KDM2B: variants seen among roughly 807,000 people sequenced by gnomAD.
KDM2B encodes the protein lysine-specific demethylase 2B.
In KDM2B, 26 loss-of-function variants were observed where a neutral mutation model predicts 150.0. The observed-to-expected ratio is 0.17, with a 90% confidence interval of 0.13 to 0.24. KDM2B has a LOEUF of 0.24. KDM2B is among the 10% of genes least tolerant of loss of function. The pLI is 1.00. For missense variants in KDM2B, 1,265 were observed against 1,816.9 expected, an observed-to-expected ratio of 0.70 and a Z score of 5.52; for synonymous variants, 734 against 729.5, an observed-to-expected ratio of 1.01 and a Z score of -0.10.
chr12:121,569,440 G>A (rs1555315566), intron 4 of KDM2B, among the ~76,000 whole-genome samples: 1 of 152,314 alleles, frequency 6.6e-6, no homozygotes, highest in South Asian at 2.1e-4. Flanking sequence ...GAAAGAGGGA[G>A]TCGAAGTGGG....
rs532773436 is a variant in KDM2B at position 121,484,962 on chromosome 12, T to C, written c.1734+9617A>G. On this transcript the variant is annotated intron_variant, in intron 12 of 22. Transcript: ENST00000377071. ...ATCCGAGCCCCTAGCACCCATATGA[T>C]TGTTGTCCTTATAAAATGAGGAAAT... 3.3e-5 allele frequency among the ~76,000 whole-genome samples: 5 copies of C among 152,206 alleles called. No individual in the cohort carries two copies. The South Asian group carries it at 1.0e-3, about 32-fold the overall frequency.
chr12:121,545,296 G>A (rs930091800), intron 6 of KDM2B, among the ~76,000 whole-genome samples: 3 of 152,022 alleles, frequency 2.0e-5, no homozygotes, highest in Admixed American at 6.6e-5. Context: ...GACCACTGAC[G>A]GGGTCCGTAG....
Position 121,513,681 on chromosome 12 carries a change from A to T in KDM2B, c.1048-279T>A, listed in dbSNP as rs1555304431. On this transcript the variant is annotated intron_variant, in intron 9 of 22. Transcript: ENST00000377071. The surrounding 1 kb of genome is among the most constrained non-coding windows in gnomAD (Gnocchi z 5.0). Reference sequence around the variant, plus strand: ...ATGGGGGCCACTTGATGCTCCCGTGAGATGCAGAAAAACAGAATTCTCCCC... The same window carrying T: ...ATGGGGGCCACTTGATGCTCCCGTGTGATGCAGAAAAACAGAATTCTCCCC... Among the ~76,000 whole-genome samples the T allele has an allele frequency of 6.6e-6, 1 of 152,090 alleles. No individual in the cohort carries two copies. The highest frequency in any genetic ancestry group is 1.9e-4 in the East Asian group (1 of 5,174).
At chr12:121,540,928 G>A (rs1166147458) in intron 6 of KDM2B, among the ~76,000 whole-genome samples, 1 of 150,794 alleles carries the variant, frequency 6.6e-6, no homozygotes, top group African/African-American at 2.4e-5. Context: ...TGTAGAAGAA[G>A]AAACAGTCCC....
intron 12 of KDM2B, among the ~76,000 whole-genome samples, chr12:121,486,874 G>A (rs1249482079): frequency 6.6e-6 from 1 of 152,168 alleles, no homozygotes; most frequent in East Asian, 1.9e-4. Context: ...TCAGGAGGCT[G>A]AGGTGGAATG....
chr12:121,501,702 C>T (rs1884573777), intron 11 of KDM2B, among the ~76,000 whole-genome samples: 1 of 147,508 alleles, frequency 6.8e-6, no homozygotes, highest in African/African-American at 2.7e-5. Context: ...CTCACTGCAA[C>T]CTCCGCCTCC....
chr12:121,445,521 G>A, intron 13 of KDM2B, 103 bp from the exon 14 acceptor site: 1 of 1,202,740 alleles, frequency 8.3e-7, no homozygotes, highest in South Asian at 1.6e-5. Context: ...GGGCCTGCCA[G>A]GAGACCCCCG....
chr12:121,511,092 C>A (rs1423464949), intron 10 of KDM2B, among the ~76,000 whole-genome samples: 4 of 151,408 alleles, frequency 2.6e-5, no homozygotes, highest in Admixed American at 2.6e-4. Context: ...CTCACTGCAA[C>A]CTCCATCTCC....
intron 4 of KDM2B, 151 bp downstream of exon 4, chr12:121,574,396 G>T: frequency 1.5e-6 from 1 of 662,484 alleles, no homozygotes; most frequent in South Asian, 1.9e-5. Flanking sequence ...TCTCCAGAAT[G>T]AAACGGTTGC....
At position 121,444,440 on chromosome 12, in the gene KDM2B, C is replaced by G. The variant is rs782178024; in HGVS notation, c.2190+10G>C. On this transcript the variant is annotated intron_variant, in intron 15 of 22. Transcript: ENST00000377071. ...CCGACTGACCCTGGGACTTGGAGCC[C>G]GGCACTCACTTTCCCGGTCTTGCCG... 6.2e-7 allele frequency: 1 copy of G among 1,614,064 alleles called. No homozygotes were observed.
At chr12:121,455,531 T>G (rs559283281) in intron 12 of KDM2B, among the ~76,000 whole-genome samples, 2 of 152,144 alleles carry the variant, frequency 1.3e-5, no homozygotes, top group Admixed American at 1.3e-4. Flanking sequence ...GGCAACATAG[T>G]GAGACCTACA....
downstream of KDM2B, among the ~76,000 whole-genome samples, chr12:121,426,241 T>C (rs1555284217): frequency 6.6e-6 from 1 of 152,214 alleles, no homozygotes; most frequent in East Asian, 1.9e-4. Context: ...GTGGCTTCTT[T>C]ATAGAAAGAG....
chr12:121,439,819 G>C lies in KDM2B; in HGVS notation c.3829+38C>G, dbSNP rs368644451. 6 of 1,473,868 alleles carry C rather than the reference G, an allele frequency of 4.1e-6. No individual in the cohort carries two copies. In the Admixed American group the frequency reaches 8.4e-5, roughly 21 times the overall value. 91.3% of individuals were successfully genotyped at this position (1,473,868 alleles called of 1,614,324 possible). On this transcript the variant is annotated intron_variant, in intron 22 of 22. Transcript: ENST00000377071. Reference sequence around the variant, plus strand: ...AATGTGAACCTCCTGGTTCTCCCACGGAGTGTTAGGCAGACCCGATGGGGG... The same window carrying C: ...AATGTGAACCTCCTGGTTCTCCCACCGAGTGTTAGGCAGACCCGATGGGGG...
chr12:121,497,958 T>C (rs1222439666), intron 11 of KDM2B, among the ~76,000 whole-genome samples: 1 of 151,804 alleles, frequency 6.6e-6, no homozygotes, highest in Non-Finnish European at 1.5e-5. Flanking sequence ...TAGCCAGATG[T>C]GGTGGTGTGT....
In KDM2B at chr12:121,442,570, CTCGTGGTT is replaced by C; in HGVS notation, c.2863_2870del (p.Asn955AspfsTer21). 1.2e-6 allele frequency: 2 copies of C among 1,600,912 alleles called. No homozygotes were observed. The highest frequency in any genetic ancestry group is 8.5e-7 in the Non-Finnish European group (1 of 1,179,864). ...CCAGGCTGTTCTCCGTCCTCTGGAT[CTCGTGGTT>C]GAGCTCCTTGCTCAGCTCCCTGCTC... On this transcript the variant is annotated frameshift_variant, in exon 19 of 23. Transcript: ENST00000377071. LOFTEE classifies it high-confidence loss of function. The surrounding 1 kb of genome is among the most constrained non-coding windows in gnomAD (Gnocchi z 7.7).
At chr12:121,443,849 T>C in intron 16 of KDM2B, 56 bp from the exon 17 acceptor site, 1 of 1,402,282 alleles carries the variant, frequency 7.1e-7, no homozygotes, top group Non-Finnish European at 9.8e-7. Context: ...CCTCCTTTCT[T>C]TGGGGCAGGG....
chr12:121,502,143 T>C (rs1202870246), intron 11 of KDM2B, among the ~76,000 whole-genome samples: 9 of 152,188 alleles, frequency 5.9e-5, no homozygotes, highest in Admixed American at 3.3e-4. Context: ...TTTCATTCTA[T>C]GGTGTCTGAA....
chr12:121,436,935 G>T (rs1257688301), intron 22 of KDM2B, among the ~76,000 whole-genome samples: 1 of 152,200 alleles, frequency 6.6e-6, no homozygotes, highest in African/African-American at 2.4e-5. Flanking sequence ...CCAGACTAGG[G>T]TTCTATACCC....
chr12:121,411,661 A>C, the KDM2B span, among the ~76,000 whole-genome samples: 2 of 152,188 alleles, frequency 1.3e-5, no homozygotes, highest in African/African-American at 4.8e-5. Context: ...ATAATGTTAC[A>C]TTGTCTGTGA....
Sources: allele counts gnomAD v4.1 joint callset (sites outside exome capture counted in the v4.1 genomes callset), GRCh38; gene constraint gnomAD v4.1.1; non-coding constraint Gnocchi (gnomAD v3.1); transcripts MANE v1.5; gene names NCBI Gene and HGNC (gene_info 2026-07-23, HGNC 2026-07-21).